CCDC7: variants seen among roughly 807,000 people sequenced by gnomAD.
CCDC7 encodes the protein coiled-coil domain-containing protein 7.
CCDC7 carries 183 observed loss-of-function variants against 196.9 expected under a neutral mutation model. The ratio of observed to expected loss-of-function variants is 0.93; its 90% confidence interval spans 0.82 to 1.05. The LOEUF is 1.05. Among genes scored for constraint, CCDC7 ranks in the 50% least tolerant of loss-of-function variants. CCDC7 has a pLI of 0.00. For missense variants in CCDC7, 1,540 were observed against 1,482.2 expected (o/e 1.04, Z -0.64); for synonymous variants, 525 against 484.6 (o/e 1.08, Z -1.10).
chr10:32,656,170 T>C (rs1014016192), intron 20 of CCDC7, among the ~76,000 whole-genome samples: 1 of 152,206 alleles, frequency 6.6e-6, no homozygotes, highest in African/African-American at 2.4e-5. Flanking sequence ...TTGTTTTATA[T>C]TTATTATGGC....
At chr10:32,685,210 A>AT (rs35021847) in intron 21 of CCDC7, among the ~76,000 whole-genome samples, 135,307 of 144,490 alleles carry the variant, frequency 0.94, 63,755 homozygotes, top group South Asian at 0.99. Flanking sequence ...TCTTTTTTGG[A>AT]TTTTTTTTTT....
intron 28 of CCDC7, among the ~76,000 whole-genome samples, chr10:32,736,336 T>C (rs2084862313): frequency 6.6e-6 from 1 of 152,216 alleles, no homozygotes; most frequent in Admixed American, 6.5e-5. Flanking sequence ...TATTCTTTGA[T>C]TTCCTTAATC....
At chr10:32,659,821 A>G (rs542732343) in intron 20 of CCDC7, among the ~76,000 whole-genome samples, 3 of 152,352 alleles carry the variant, frequency 2.0e-5, no homozygotes, top group South Asian at 4.1e-4. Context: ...AAGCCCAAAA[A>G]GAACTGATGC....
intron 18 of CCDC7, among the ~76,000 whole-genome samples, chr10:32,600,929 T>C (rs1425951491): frequency 6.6e-6 from 1 of 152,208 alleles, no homozygotes; most frequent in Non-Finnish European, 1.5e-5. Context: ...CCTATGTTTT[T>C]CTGGGAACAT....
intron 41 of CCDC7, among the ~76,000 whole-genome samples, chr10:32,871,784 G>T (rs561064838): frequency 7.2e-5 from 11 of 152,224 alleles, no homozygotes; most frequent in African/African-American, 1.9e-4. Flanking sequence ...ATGTCCCAGA[G>T]ATTCTGGTAT....
intron 18 of CCDC7, among the ~76,000 whole-genome samples, chr10:32,603,188 G>T (rs1466536695): frequency 6.7e-6 from 1 of 149,010 alleles, no homozygotes; most frequent in Non-Finnish European, 1.5e-5. Flanking sequence ...TCATACATAA[G>T]AATGAGAACA....
intron 20 of CCDC7, among the ~76,000 whole-genome samples, chr10:32,653,589 G>C (rs1591162007): frequency 6.6e-6 from 1 of 152,152 alleles, no homozygotes; most frequent in South Asian, 2.1e-4. Flanking sequence ...TGATGTTCCT[G>C]TGGATGGATA....
At chr10:32,793,518 C>A (rs2083055257) in intron 29 of CCDC7, among the ~76,000 whole-genome samples, 1 of 152,036 alleles carries the variant, frequency 6.6e-6, no homozygotes, top group Non-Finnish European at 1.5e-5. Context: ...TTACAATTTA[C>A]TTATAAATCA....
chr10:32,637,080 G>GT (rs996744249), intron 20 of CCDC7, among the ~76,000 whole-genome samples: 1 of 152,076 alleles, frequency 6.6e-6, no homozygotes, highest in African/African-American at 2.4e-5. Flanking sequence ...GGGGTTGTTT[G>GT]TTTTTTTCTT....
rs548603892 is a variant in CCDC7, at chr10:32,500,176, G to A, written c.872+8179G>A. Among the ~76,000 whole-genome samples the A allele has an allele frequency of 9.9e-5, 15 of 151,040 alleles. No homozygotes were observed. The East Asian group carries it at 1.6e-3, about 16-fold the overall frequency. The stretch of plus-strand genomic sequence containing the variant: ...GGGCTCCCCACTTCCCAGACGGGGC[G>A]GCTGGGCAGAGGCGCCCCCCACCTC... On this transcript the variant is annotated intron_variant, in intron 9 of 41. Transcript: ENST00000639629.
chr10:32,673,152 G>A (rs1320382059), intron 21 of CCDC7, among the ~76,000 whole-genome samples: 3 of 152,092 alleles, frequency 2.0e-5, no homozygotes, highest in African/African-American at 7.2e-5. Context: ...TGGTGTATAT[G>A]TCTTTTATGG....
exon 28 of CCDC7, chr10:32,729,337 C>A (rs778291280): frequency 6.4e-7 from 1 of 1,558,484 alleles, no homozygotes; most frequent in Non-Finnish European, 8.7e-7. Flanking sequence ...TTTAGCGTTT[C>A]CTTTAGAAAT....
intron 29 of CCDC7, among the ~76,000 whole-genome samples, chr10:32,798,191 A>G (rs975509290): frequency 2.6e-5 from 4 of 152,206 alleles, no homozygotes; most frequent in African/African-American, 9.7e-5. Context: ...TTCCATGATA[A>G]CAGAGGTCCA....
chr10:32,657,834 A>G (rs1232960548), intron 20 of CCDC7, among the ~76,000 whole-genome samples: 2 of 152,082 alleles, frequency 1.3e-5, no homozygotes, highest in African/African-American at 4.8e-5. Flanking sequence ...TCAAACTTTT[A>G]TGTTCTGCTT....
chr10:32,544,162 TC>T (rs1350480727), intron 12 of CCDC7, 84 bp from the exon 14 acceptor site: 1 of 1,153,138 alleles, frequency 8.7e-7, no homozygotes, highest in Admixed American at 2.5e-5. Context: ...TATTTTAAAA[TC>T]GTTTAAAAAG....
intron 23 of CCDC7, among the ~76,000 whole-genome samples, chr10:32,690,534 T>C (rs2076962752): frequency 6.6e-6 from 1 of 152,138 alleles, no homozygotes; most frequent in Admixed American, 6.5e-5. Flanking sequence ...GGCTGTAATA[T>C]AGCATTGGAC....
chr10:32,461,709 G>GTATA (rs771403958), intron 3 of CCDC7, among the ~76,000 whole-genome samples: 4 of 57,484 alleles, frequency 7.0e-5, no homozygotes, highest in African/African-American at 3.1e-4. Context: ...GTGTGTGTGT[G>GTATA]TATATATATA....
At chr10:32,692,730 A>G (rs566781504) in intron 23 of CCDC7, among the ~76,000 whole-genome samples, 1 of 152,330 alleles carries the variant, frequency 6.6e-6, no homozygotes, top group South Asian at 2.1e-4. Context: ...TTCACTTACT[A>G]GCATATTAAA....
intron 23 of CCDC7, 150 bp from the exon 25 acceptor site, chr10:32,694,729 A>G (rs753919156): frequency 4.2e-6 from 2 of 473,788 alleles, no homozygotes; most frequent in South Asian, 8.6e-5. Flanking sequence ...ATGTTCTTAT[A>G]GTAGTCATGT....
Sources: gnomAD v4.1 joint callset for allele counts (sites outside exome capture counted in the v4.1 genomes callset) on GRCh38, gnomAD v4.1.1 for gene constraint, MANE v1.5 for transcripts, NCBI Gene and HGNC (gene_info 2026-07-23, HGNC 2026-07-21) for gene names.